The following GALNTL6 variants were observed in gnomAD, a reference collection of about 807,000 sequenced individuals.
GALNTL6 encodes the protein polypeptide N-acetylgalactosaminyltransferase like 6, also known as polypeptide N-acetylgalactosaminyltransferase-like 6.
In GALNTL6, 46 loss-of-function variants were observed where a neutral mutation model predicts 73.7. The ratio of observed to expected loss-of-function variants is 0.62; its 90% CI spans 0.49 to 0.80. GALNTL6 has a LOEUF of 0.80. Ranked by LOEUF, GALNTL6 falls within the 30% of genes least tolerant of loss-of-function variation. GALNTL6 has a pLI of 0.00. For missense variants in GALNTL6, 604 were observed against 755.0 expected (o/e 0.80, Z 2.34); for synonymous variants, 259 against 263.7 (o/e 0.98, Z 0.17).
intron 2 of GALNTL6, among the ~76,000 whole-genome samples, chr4:171,827,917 G>A (rs1364992175): frequency 6.6e-6 from 1 of 151,794 alleles, no homozygotes; most frequent in Admixed American, 6.6e-5. Context: ...TTTGAAAAAA[G>A]CTTGCAGACA....
At chr4:172,485,357 A>G (rs756256103) in intron 5 of GALNTL6, among the ~76,000 whole-genome samples, 5 of 152,166 alleles carry the variant, frequency 3.3e-5, no homozygotes, top group Non-Finnish European at 5.9e-5. Context: ...ATGAAATAAT[A>G]AGCTATAATG....
intron 5 of GALNTL6, among the ~76,000 whole-genome samples, chr4:172,801,535 G>A (rs1468687005): frequency 6.6e-6 from 1 of 151,898 alleles, no homozygotes; most frequent in South Asian, 2.1e-4. Flanking sequence ...TGATATATGA[G>A]CCTTTTATAG....
In GALNTL6 at chr4:171,990,592, C is replaced by T. The variant is rs540881516; in HGVS notation, c.138+175874C>T. Among the ~76,000 whole-genome samples, 90 of 152,024 alleles carry T rather than the reference C, an allele frequency of 5.9e-4. 3 individuals are homozygous for T. The highest frequency in any genetic ancestry group is 5.6e-3 in the Admixed American group (85 of 15,274). On this transcript the variant is annotated intron_variant, in intron 2 of 12. Transcript: ENST00000506823. ...GTTCATCCTTGCATTCCCTATCACA[C>T]GATAGTAATAAAAAAACATTTTTAA...
intron 5 of GALNTL6, among the ~76,000 whole-genome samples, chr4:172,387,564 TTC>T (rs1176093859): frequency 6.6e-6 from 1 of 152,178 alleles, no homozygotes; most frequent in East Asian, 1.9e-4. Context: ...GCTTTCTATC[TTC>T]TCTTTTTGTC....
chr4:172,574,071 A>AT (rs1736867387), intron 5 of GALNTL6, among the ~76,000 whole-genome samples: 1 of 152,176 alleles, frequency 6.6e-6, no homozygotes, highest in African/African-American at 2.4e-5. Context: ...ACAAAAAAAA[A>AT]GGAAACTTTC....
In GALNTL6 at chr4:171,835,328, G is replaced by C. The variant is rs117779170; in HGVS notation, c.138+20610G>C. On this transcript the variant is annotated intron_variant, in intron 2 of 12. Transcript: ENST00000506823. The stretch of plus-strand genomic sequence containing the variant: ...TATGTATATGTGTCTCCGTGTATCT[G>C]TGTGTGTCTGTATGTCTATGCAAAT... 2.3e-3 allele frequency among the ~76,000 whole-genome samples: 353 copies of C among 152,104 alleles called. 8 individuals are homozygous for C. In the East Asian group the frequency reaches 0.025, roughly 11 times the overall value.
chr4:172,679,390 A>G (rs930292567), intron 5 of GALNTL6, among the ~76,000 whole-genome samples: 2 of 151,540 alleles, frequency 1.3e-5, no homozygotes, highest in South Asian at 2.1e-4. Context: ...CAGCCTGGGC[A>G]ATAAGAGAGA....
intron 5 of GALNTL6, among the ~76,000 whole-genome samples, chr4:172,762,177 A>G (rs1364178293): frequency 2.6e-5 from 4 of 152,192 alleles, no homozygotes; most frequent in Non-Finnish European, 2.9e-5. Flanking sequence ...GTAGATTTTC[A>G]TTTTTTTAAT....
At chr4:173,011,611 C>T (rs1451869852) in intron 11 of GALNTL6, among the ~76,000 whole-genome samples, 3 of 152,102 alleles carry the variant, frequency 2.0e-5, no homozygotes, top group African/African-American at 7.2e-5. Context: ...CCAGTTTTCC[C>T]AGCACCATTT....
At chr4:172,986,075 C>T (rs774922396) in intron 10 of GALNTL6, among the ~76,000 whole-genome samples, 1 of 152,300 alleles carries the variant, frequency 6.6e-6, no homozygotes, top group South Asian at 2.1e-4. Flanking sequence ...CTACCCCCAG[C>T]AATGGACAAA....
chr4:172,933,790 C>T (rs1356952963), intron 9 of GALNTL6, among the ~76,000 whole-genome samples: 3 of 152,168 alleles, frequency 2.0e-5, no homozygotes, highest in Non-Finnish European at 4.4e-5. Context: ...GCCACGTCTA[C>T]TCAACTGATA....
At chr4:172,948,596 G>A (rs1405422978) in intron 9 of GALNTL6, among the ~76,000 whole-genome samples, 1 of 149,738 alleles carries the variant, frequency 6.7e-6, no homozygotes, top group Admixed American at 6.7e-5. Flanking sequence ...GGGATTACAG[G>A]CACCTGCCAC....
At chr4:172,277,527 C>G (rs963378175) in intron 3 of GALNTL6, among the ~76,000 whole-genome samples, 1 of 152,036 alleles carries the variant, frequency 6.6e-6, no homozygotes, top group Admixed American at 6.6e-5. Context: ...AGGTAAGCAC[C>G]CTTTGTTTCA....
At chr4:171,831,886 T>C (rs1734985948) in intron 2 of GALNTL6, among the ~76,000 whole-genome samples, 2 of 151,784 alleles carry the variant, frequency 1.3e-5, no homozygotes, top group Admixed American at 1.3e-4. Context: ...TAAGAAAATA[T>C]GTGGATACAC....
intron 5 of GALNTL6, among the ~76,000 whole-genome samples, chr4:172,564,580 C>A (rs1178670593): frequency 1.3e-5 from 2 of 152,252 alleles, no homozygotes; most frequent in Admixed American, 1.3e-4. Flanking sequence ...CTGTAATTAC[C>A]ACCTTTGCCC....
intron 5 of GALNTL6, among the ~76,000 whole-genome samples, chr4:172,575,506 G>A (rs1032531883): frequency 2.0e-5 from 3 of 152,156 alleles, no homozygotes; most frequent in Admixed American, 2.0e-4. Flanking sequence ...TTGGTCATTT[G>A]TCTAGCAAGA....
At chr4:172,982,417 AT>A (rs1751107447) in intron 10 of GALNTL6, among the ~76,000 whole-genome samples, 1 of 152,192 alleles carries the variant, frequency 6.6e-6, no homozygotes, top group African/African-American at 2.4e-5. Context: ...TTCTTTGTTT[AT>A]TTGTGTGAGT....
At chr4:171,818,172 T>G (rs1457894946) in intron 2 of GALNTL6, among the ~76,000 whole-genome samples, 1 of 151,810 alleles carries the variant, frequency 6.6e-6, no homozygotes, top group African/African-American at 2.4e-5. Flanking sequence ...GTATTTGCAT[T>G]AAATACCACT....
intron 5 of GALNTL6, among the ~76,000 whole-genome samples, chr4:172,806,881 T>C (rs994337701): frequency 1.3e-5 from 2 of 152,218 alleles, no homozygotes; most frequent in African/African-American, 4.8e-5. Flanking sequence ...ATTGATGATA[T>C]GGAAAGATTT....
Sources: allele counts gnomAD v4.1 joint callset (sites outside exome capture counted in the v4.1 genomes callset), GRCh38; gene constraint gnomAD v4.1.1; transcripts MANE v1.5; gene names NCBI Gene and HGNC (gene_info 2026-07-23, HGNC 2026-07-21).